GREB1: variants seen among roughly 807,000 people sequenced by gnomAD.
The protein encoded by GREB1 is protein GREB1.
GREB1 carries 106 observed loss-of-function variants against 200.7 expected under a neutral mutation model. That is an observed-to-expected ratio of 0.53 (90% CI 0.45 to 0.62). The LOEUF (loss-of-function observed/expected upper bound fraction) is 0.62, where lower values mean the gene tolerates loss of function less well. Ranked by LOEUF, GREB1 falls within the 20% of genes least tolerant of loss-of-function variation. GREB1 has a pLI of 0.00. For missense variants in GREB1, 2,243 were observed against 2,556.8 expected (o/e 0.88, Z 2.65); for synonymous variants, 1,132 against 1,092.4 (o/e 1.04, Z -0.72).
intron 1 of GREB1, among the ~76,000 whole-genome samples, chr2:11,484,619 A>AAAAG (rs922547751): frequency 6.7e-6 from 1 of 149,500 alleles, no homozygotes; most frequent in African/African-American, 2.6e-5. Flanking sequence ...GAAAGAAAGA[A>AAAAG]AAAGAAAGAA....
At chr2:11,506,537 T>C (rs1297000316) in intron 1 of GREB1, among the ~76,000 whole-genome samples, 1 of 152,172 alleles carries the variant, frequency 6.6e-6, no homozygotes. Flanking sequence ...GGAGATTTAG[T>C]TGGTGTATTT....
intron 1 of GREB1, among the ~76,000 whole-genome samples, chr2:11,507,234 C>T (rs1673205148): frequency 6.6e-6 from 1 of 151,978 alleles, no homozygotes; most frequent in African/African-American, 2.4e-5. Context: ...CGTGGCGAAA[C>T]CCCATCTCTA....
chr2:11,605,055 G>A (rs1273024587), intron 17 of GREB1, among the ~76,000 whole-genome samples: 3 of 150,334 alleles, frequency 2.0e-5, no homozygotes, highest in African/African-American at 7.3e-5. Context: ...GCTTAAGGGT[G>A]GGCATAGTTC....
At chr2:11,547,893 C>A (rs1337884907) in intron 1 of GREB1, among the ~76,000 whole-genome samples, 2 of 152,126 alleles carry the variant, frequency 1.3e-5, no homozygotes, top group Non-Finnish European at 2.9e-5. Flanking sequence ...CCCAAGAACA[C>A]ACTGTTAGCT....
In GREB1 at chr2:11,611,008, A is replaced by G; in HGVS notation, c.2987A>G (p.His996Arg). 6.3e-7 allele frequency: 1 copy of G among 1,595,050 alleles called. No homozygotes were observed. Among genetic ancestry groups the G allele is most frequent in the African/African-American group, 1.3e-5 (1 of 74,662 alleles). The change falls in exon 18 of 33, where the codon CAC (histidine) becomes CGC (arginine). Residue 996 changes from histidine to arginine, a missense_variant. Coordinates refer to ENST00000381486, the MANE Select transcript of GREB1 (RefSeq NM_014668.4). ...SPSSGVTVGK[H>R]FVKQLRMWQK... is the part of the protein sequence containing the mutation. ...AGCTCAGGCGTCACCGTGGGGAAGC[A>G]CTTCGTAAAGCAGCTCAGGGTAGGT...
At chr2:11,607,466 A>G (rs906597878) in intron 17 of GREB1, among the ~76,000 whole-genome samples, 97 of 148,940 alleles carry the variant, frequency 6.5e-4, no homozygotes, top group Middle Eastern at 3.5e-3. Context: ...GTGTGTATAT[A>G]TATATACACA....
At chr2:11,518,466 A>G (rs932336332) in intron 1 of GREB1, among the ~76,000 whole-genome samples, 5 of 149,996 alleles carry the variant, frequency 3.3e-5, no homozygotes, top group African/African-American at 1.2e-4. Context: ...GAGTCAGGGC[A>G]TCGAATGAGA....
Position 11,576,664 on chromosome 2 carries a change from A to T in GREB1, c.637+129A>T, listed in dbSNP as rs546479023. 4.5e-6 allele frequency: 3 copies of T among 663,032 alleles called. No individual in the cohort carries two copies. The Admixed American group carries it at 8.0e-5, about 18-fold the overall frequency. 41.1% of individuals were successfully genotyped at this position (663,032 alleles called of 1,614,324 possible). A position where few individuals can be genotyped will look rare whatever the true frequency, so the allele number is the denominator to read the frequency against. On this transcript the variant is annotated intron_variant, in intron 5 of 32. Coordinates refer to ENST00000381486, the MANE Select transcript of GREB1 (RefSeq NM_014668.4). ...ACATCACGGGCAAAAGGCCAGGCCT[A>T]TGAAATGGAAAATGCTCCTTTGCGT...
At chr2:11,616,607 C>G (rs2148340090) in intron 20 of GREB1, 24 bp from the exon 21 acceptor site, 1 of 1,444,546 alleles carries the variant, frequency 6.9e-7, no homozygotes, top group East Asian at 2.3e-5. Flanking sequence ...TCGGTGCATT[C>G]TCAGCGTGTG....
intron 1 of GREB1, among the ~76,000 whole-genome samples, chr2:11,500,239 G>T (rs553684733): frequency 8.5e-5 from 13 of 152,076 alleles, no homozygotes; most frequent in African/African-American, 2.4e-4. Flanking sequence ...TCGGCTTACC[G>T]CAACCTCCAC....
chr2:11,577,802 A>G, intron 5 of GREB1, among the ~76,000 whole-genome samples: 1 of 151,970 alleles, frequency 6.6e-6, no homozygotes, highest in East Asian at 1.9e-4. Flanking sequence ...AGCCCCTACT[A>G]CTTGCCAGTC....
Position 11,625,195 on chromosome 2 carries a change from G to A in GREB1, c.4189G>A (p.Asp1397Asn), listed in dbSNP as rs762733144. 8.7e-6 allele frequency: 14 copies of A among 1,613,872 alleles called. No individual in the cohort carries two copies. Among genetic ancestry groups the A allele is most frequent in the Admixed American group, 3.3e-5 (2 of 60,014 alleles). ...ESDWHYLQLS[D>N]PWPDLELFKK... The stretch of plus-strand genomic sequence containing the variant: ...TGACTGGCATTATCTCCAGCTTAGC[G>A]ACCCCTGGCCAGACCTGGAGCTGTT... Residue 1397 changes from aspartate to asparagine, a missense_variant, in exon 24 of 33, where the codon GAC (aspartate) becomes AAC (asparagine). Around this residue, in one of 3 missense-constraint regions of GREB1, gnomAD observed 587 missense variants for 553.1 expected, o/e 1.06. Transcript: ENST00000381486.
At chr2:11,562,265 CTGTT>C (rs1469006349) in intron 2 of GREB1, among the ~76,000 whole-genome samples, 194 bp from the exon 3 acceptor site, 2 of 152,222 alleles carry the variant, frequency 1.3e-5, no homozygotes, top group East Asian at 1.9e-4. Flanking sequence ...GACTGACAGA[CTGTT>C]TGTAAGGACA....
At chr2:11,509,610 C>T (rs1327557293) in intron 1 of GREB1, among the ~76,000 whole-genome samples, 1 of 152,132 alleles carries the variant, frequency 6.6e-6, no homozygotes, top group African/African-American at 2.4e-5. Context: ...TATGTTGGAG[C>T]CTAATCCCCA....
chr2:11,581,881 C>A (rs1217590337), intron 7 of GREB1, among the ~76,000 whole-genome samples: 2 of 152,204 alleles, frequency 1.3e-5, no homozygotes, highest in Non-Finnish European at 2.9e-5. Context: ...AATTGTCTAA[C>A]TCTTCACTGA....
intron 22 of GREB1, among the ~76,000 whole-genome samples, chr2:11,619,736 C>T (rs1194520656): frequency 6.6e-6 from 1 of 151,978 alleles, no homozygotes; most frequent in Non-Finnish European, 1.5e-5. Flanking sequence ...ATTTGTTTTT[C>T]CTTTAGGCCA....
rs1332724157 is a variant in GREB1 at position 11,633,131 on chromosome 2, G to T, written c.4991+68G>T. ...GATGACCAACGAGTGTGCCCTCTTT[G>T]TATGGGGAATGTGCCCACCCCTGGA... On this transcript the variant is annotated intron_variant, in intron 28 of 32. Coordinates refer to ENST00000381486, the MANE Select transcript of GREB1 (RefSeq NM_014668.4). The surrounding 1 kb of genome is among the most constrained non-coding windows in gnomAD (Gnocchi z 4.1). 3.3e-6 allele frequency: 5 copies of T among 1,501,706 alleles called. No homozygotes were observed. The highest frequency in any genetic ancestry group is 1.1e-5 in the South Asian group (1 of 87,236). The allele number at this position is 1,501,706 out of a possible 1,614,324, so 93.0% of individuals were successfully genotyped here.
intron 4 of GREB1, among the ~76,000 whole-genome samples, chr2:11,569,028 A>G (rs79342604): frequency 0.013 from 2,001 of 152,228 alleles, 35 homozygotes; most frequent in African/African-American, 0.045. Context: ...GCTGGGTAAT[A>G]CCTTGAGGGA....
At chr2:11,587,694 AACACACAC>A (rs377181735) in intron 9 of GREB1, 14,335 of 703,220 alleles carry the variant, frequency 0.02, 117 homozygotes, top group African/African-American at 0.044. Flanking sequence ...AGTACAAGAT[AACACACAC>A]ACACACACAC....
Sources: allele counts gnomAD v4.1 joint callset (sites outside exome capture counted in the v4.1 genomes callset), GRCh38; gene constraint gnomAD v4.1.1; regional missense constraint gnomAD v4.1.1; non-coding constraint Gnocchi (gnomAD v3.1); transcripts MANE v1.5; gene names NCBI Gene and HGNC (gene_info 2026-07-23, HGNC 2026-07-21).